Variants in ST3GAL3 observed in about 807,000 individuals in gnomAD.
ST3GAL3 encodes the protein CMP-N-acetylneuraminate-beta-1,4-galactoside alpha-2,3-sialyltransferase.
Under a neutral mutation model 50.1 loss-of-function variants are expected in ST3GAL3, and 21 were observed. The observed-to-expected ratio is 0.42, with a 90% CI of 0.30 to 0.60. The LOEUF is 0.60. Ranked by LOEUF, ST3GAL3 falls within the 20% of genes least tolerant of loss-of-function variation. The pLI, the probability that ST3GAL3 is intolerant of heterozygous loss-of-function variation, is 0.19. For synonymous variants in ST3GAL3, 183 were observed against 190.0 expected, an observed-to-expected ratio of 0.96 and a Z score of 0.30; for missense variants, 353 against 489.4, an observed-to-expected ratio of 0.72 and a Z score of 2.63.
At chr1:43,859,259 T>C (rs1431760297) in intron 5 of ST3GAL3, among the ~76,000 whole-genome samples, 2 of 152,116 alleles carry the variant, frequency 1.3e-5, no homozygotes, top group African/African-American at 4.8e-5. Flanking sequence ...AGACCCATCC[T>C]CTCTCCCTCG....
At chr1:43,743,747 A>C (rs974462518) in intron 2 of ST3GAL3, 3 of 220,208 alleles carry the variant, frequency 1.4e-5, no homozygotes, top group African/African-American at 7.0e-5. Flanking sequence ...CCAGAACTCC[A>C]TTCTTACAGA....
intron 2 of ST3GAL3, among the ~76,000 whole-genome samples, chr1:43,768,681 C>T (rs979470433): frequency 3.3e-5 from 5 of 152,076 alleles, no homozygotes; most frequent in African/African-American, 4.8e-5. Context: ...GAATAATATC[C>T]GACTAAAACT....
At chr1:43,793,061 T>C (rs935351014) in intron 3 of ST3GAL3, among the ~76,000 whole-genome samples, 2 of 152,062 alleles carry the variant, frequency 1.3e-5, no homozygotes, top group Non-Finnish European at 2.9e-5. Context: ...GCCATGAGGG[T>C]CAGGCAGTTG....
At position 43,804,505 on chromosome 1, in the gene ST3GAL3, GCAGA is replaced by G. The variant is rs1214473718; in HGVS notation, c.167-10380_167-10377del. Among the ~76,000 whole-genome samples the G allele has an allele frequency of 6.6e-5, 10 of 152,156 alleles. No homozygotes were observed. In the East Asian group the frequency reaches 1.5e-3, roughly 24 times the overall value. On this transcript the variant is annotated intron_variant, in intron 3 of 11. Transcript: ENST00000347631. ...AGGTAAAGACCTTGGTTGAGATGGA[GCAGA>G]CAGACGCCAGTGACTCAGGTGACTC...
At chr1:43,920,090 C>T in intron 9 of ST3GAL3, 1 of 416,830 alleles carries the variant, frequency 2.4e-6, no homozygotes, top group South Asian at 2.2e-5. Flanking sequence ...TCTTATTGGC[C>T]CAGGAGCCCC....
At chr1:43,897,298 GTTTAC>G (rs2077533337) in intron 6 of ST3GAL3, among the ~76,000 whole-genome samples, 1 of 152,026 alleles carries the variant, frequency 6.6e-6, no homozygotes, top group Non-Finnish European at 1.5e-5. Flanking sequence ...GGTGATACCA[GTTTAC>G]TTTATTTTTA....
At chr1:43,874,038 A>G (rs1307917287) in intron 5 of ST3GAL3, among the ~76,000 whole-genome samples, 1 of 152,208 alleles carries the variant, frequency 6.6e-6, no homozygotes, top group Admixed American at 6.5e-5. Context: ...TAGGAAATCC[A>G]GGAAAATGTG....
intron 11 of ST3GAL3, among the ~76,000 whole-genome samples, chr1:43,926,359 C>T (rs1447359793): frequency 6.6e-6 from 1 of 152,124 alleles, no homozygotes; most frequent in East Asian, 1.9e-4. Context: ...GAGGCCAAGG[C>T]GGATGGATCA....
intron 5 of ST3GAL3, among the ~76,000 whole-genome samples, chr1:43,863,053 C>T (rs1389306464): frequency 6.6e-6 from 1 of 152,224 alleles, no homozygotes; most frequent in East Asian, 1.9e-4. Context: ...TCTGTTCACT[C>T]ATGTAATACA....
intron 9 of ST3GAL3, among the ~76,000 whole-genome samples, chr1:43,902,987 T>C (rs1558802475): frequency 6.6e-6 from 1 of 152,166 alleles, no homozygotes; most frequent in Non-Finnish European, 1.5e-5. Context: ...GAAGGCCTAA[T>C]GCAGCTCTGG....
intron 1 of ST3GAL3, among the ~76,000 whole-genome samples, chr1:43,728,993 G>C (rs1174096877): frequency 6.6e-6 from 1 of 151,874 alleles, no homozygotes; most frequent in African/African-American, 2.4e-5. Context: ...AGGCTCAAGT[G>C]CTCCTCCCAC....
chr1:43,793,518 C>G (rs1045197530), intron 3 of ST3GAL3, among the ~76,000 whole-genome samples: 2 of 152,112 alleles, frequency 1.3e-5, no homozygotes, highest in Non-Finnish European at 2.9e-5. Flanking sequence ...AGCTAATGCT[C>G]AAAGACATGA....
chr1:43,821,975 A>G (rs757844640), intron 4 of ST3GAL3, among the ~76,000 whole-genome samples: 10 of 152,238 alleles, frequency 6.6e-5, no homozygotes, highest in Non-Finnish European at 1.5e-4. Context: ...TATTATAAAT[A>G]AAGTTTTTAG....
intron 6 of ST3GAL3, 69 bp from the exon 7 acceptor site, chr1:43,898,166 G>T (rs913735847): frequency 2.6e-6 from 4 of 1,542,540 alleles, no homozygotes; most frequent in African/African-American, 2.7e-5. Flanking sequence ...CTTCCAGTAG[G>T]ATTATCAGTA....
At chr1:43,917,653 TA>T (rs1314323010) in intron 9 of ST3GAL3, among the ~76,000 whole-genome samples, 2 of 61,426 alleles carry the variant, frequency 3.3e-5, no homozygotes, top group African/African-American at 4.9e-5. Context: ...ATATATAATA[TA>T]ATATATAATA....
chr1:43,865,828 T>G (rs2071194746), intron 5 of ST3GAL3, among the ~76,000 whole-genome samples: 1 of 152,260 alleles, frequency 6.6e-6, no homozygotes, highest in South Asian at 2.1e-4. Flanking sequence ...ATTGGTTCGC[T>G]GGTGATTGCT....
chr1:43,894,065 T>G (rs1247564721), intron 5 of ST3GAL3: 5 of 400,894 alleles, frequency 1.2e-5, no homozygotes, highest in East Asian at 5.6e-5. Context: ...AGTGACTATT[T>G]GATGAATGCC....
intron 2 of ST3GAL3, among the ~76,000 whole-genome samples, chr1:43,755,388 A>G (rs1687675303): frequency 6.6e-6 from 1 of 152,224 alleles, no homozygotes; most frequent in Non-Finnish European, 1.5e-5. Context: ...ATTGTAACTT[A>G]TATCCTTTAC....
At chr1:43,801,538 G>T (rs1225570344) in intron 3 of ST3GAL3, 1 of 359,500 alleles carries the variant, frequency 2.8e-6, no homozygotes, top group South Asian at 2.1e-5. Flanking sequence ...CTGCACGTCA[G>T]AATGTAGGTA....
Sources: allele counts gnomAD v4.1 joint callset (sites outside exome capture counted in the v4.1 genomes callset), GRCh38; gene constraint gnomAD v4.1.1; transcripts MANE v1.5; gene names NCBI Gene and HGNC (gene_info 2026-07-23, HGNC 2026-07-21).